RNF4: variants seen among roughly 807,000 people sequenced by gnomAD.
RNF4 encodes the protein E3 ubiquitin-protein ligase RNF4.
RNF4 carries 7 observed loss-of-function variants against 24.3 expected under a neutral mutation model. The ratio of observed to expected loss-of-function variants is 0.29; its 90% CI spans 0.16 to 0.54. The LOEUF (loss-of-function observed/expected upper bound fraction) is 0.54. RNF4 is among the 20% of genes least tolerant of loss of function. The pLI is 0.95. For missense variants in RNF4, 209 were observed against 248.5 expected, an observed-to-expected ratio of 0.84 and a Z score of 1.07; for synonymous variants, 83 against 84.3, an observed-to-expected ratio of 0.98 and a Z score of 0.09.
chr4:2,472,030 TG>T (rs1240208374), intron 1 of RNF4, among the ~76,000 whole-genome samples: 1 of 151,994 alleles, frequency 6.6e-6, no homozygotes, highest in African/African-American at 2.4e-5. Flanking sequence ...CAGCCTTATA[TG>T]GAAAAAAAAA....
chr4:2,476,808 A>G (rs925629172), intron 1 of RNF4, among the ~76,000 whole-genome samples: 25 of 150,296 alleles, frequency 1.7e-4, no homozygotes, highest in African/African-American at 5.4e-4. Flanking sequence ...AGTACAGCCT[A>G]AAACTTTTTT....
chr4:2,505,412 GC>G (rs1736053294), intron 4 of RNF4: 1 of 150,290 alleles, frequency 6.7e-6, no homozygotes, highest in Non-Finnish European at 1.5e-5. Context: ...TGCCAGCTCC[GC>G]CTCCTGGGTT....
At chr4:2,479,777 GCTTT>G (rs1247392015) in intron 1 of RNF4, 3 of 152,280 alleles carry the variant, frequency 2.0e-5, no homozygotes, top group African/African-American at 4.8e-5. Context: ...TGCTTTTAAG[GCTTT>G]CTTTGTTTCC....
At chr4:2,474,474 T>TGGACAGGCAAAGAAAGTGGTTTCTTGA (rs1735007333) in intron 1 of RNF4, among the ~76,000 whole-genome samples, 1 of 152,096 alleles carries the variant, frequency 6.6e-6, no homozygotes, top group Non-Finnish European at 1.5e-5. Context: ...TTGCTTCCTG[T>TGGACAGGCAAAGAAAGTGGTTTCTTGA]GGACAGGCAA....
At chr4:2,484,564 C>T (rs1342966538) in intron 1 of RNF4, among the ~76,000 whole-genome samples, 3 of 151,866 alleles carry the variant, frequency 2.0e-5, no homozygotes, top group African/African-American at 7.3e-5. Context: ...AGCATCTGCA[C>T]ATCGTATACA....
chr4:2,496,530 G>A (rs765693335), intron 2 of RNF4, among the ~76,000 whole-genome samples: 11 of 152,134 alleles, frequency 7.2e-5, no homozygotes, highest in African/African-American at 7.2e-5. Context: ...ACGCGATCTC[G>A]CCTCACTGCA....
intron 4 of RNF4, among the ~76,000 whole-genome samples, chr4:2,503,616 T>A (rs1331267103): frequency 6.6e-6 from 1 of 152,184 alleles, no homozygotes; most frequent in East Asian, 1.9e-4. Context: ...AGTGCCAGTT[T>A]ATGAATTTAC....
chr4:2,480,386 C>CCTTGAA (rs1471446196), intron 1 of RNF4: 1 of 151,420 alleles, frequency 6.6e-6, no homozygotes, highest in Non-Finnish European at 1.5e-5. Context: ...GGTTCTCCTG[C>CCTTGAA]CTCAGCCTCC....
chr4:2,502,671 C>G (rs1416577009), intron 4 of RNF4, among the ~76,000 whole-genome samples: 3 of 121,632 alleles, frequency 2.5e-5, no homozygotes, highest in African/African-American at 9.1e-5. Context: ...GACTCCATCT[C>G]AAAAAAAAAA....
chr4:2,488,776 G>A (rs567071333), intron 1 of RNF4, among the ~76,000 whole-genome samples: 16 of 152,250 alleles, frequency 1.1e-4, no homozygotes, highest in Non-Finnish European at 1.5e-4. Flanking sequence ...AAGGTCACAG[G>A]TTGGGGTTTG....
At chr4:2,503,807 A>G (rs1288519820) in intron 4 of RNF4, among the ~76,000 whole-genome samples, 1 of 152,152 alleles carries the variant, frequency 6.6e-6, no homozygotes, top group African/African-American at 2.4e-5. Flanking sequence ...AAGCGGGGTA[A>G]CCTTCCTTAC....
chr4:2,489,501 T>C (rs758936567), intron 1 of RNF4, among the ~76,000 whole-genome samples: 3 of 152,150 alleles, frequency 2.0e-5, no homozygotes, highest in Non-Finnish European at 4.4e-5. Flanking sequence ...TGGGAACTTG[T>C]TAGATACGTA....
At chr4:2,478,886 A>G (rs1329922109) in intron 1 of RNF4, among the ~76,000 whole-genome samples, 1 of 152,234 alleles carries the variant, frequency 6.6e-6, no homozygotes, top group Non-Finnish European at 1.5e-5. Flanking sequence ...ACACCCCAGA[A>G]TGATAGATCC....
chr4:2,510,852 A>G (rs1736252630), intron 4 of RNF4, among the ~76,000 whole-genome samples: 1 of 152,198 alleles, frequency 6.6e-6, no homozygotes, highest in African/African-American at 2.4e-5. Context: ...AAACTGTTGG[A>G]GCAGAAATTG....
intron 3 of RNF4, 31 bp downstream of exon 3, chr4:2,497,152 G>A: frequency 6.5e-7 from 1 of 1,530,192 alleles, no homozygotes; most frequent in Non-Finnish European, 8.9e-7. Flanking sequence ...ACAACTGTGG[G>A]GTGTTAAAGT....
chr4:2,487,476 G>A (rs1735446908), intron 1 of RNF4, among the ~76,000 whole-genome samples: 1 of 152,168 alleles, frequency 6.6e-6, no homozygotes, highest in Admixed American at 6.5e-5. Context: ...AGTAGAGACG[G>A]GGTTTCGCCA....
intron 2 of RNF4, among the ~76,000 whole-genome samples, chr4:2,495,059 C>T (rs1221166632): frequency 6.6e-6 from 1 of 152,196 alleles, no homozygotes; most frequent in Non-Finnish European, 1.5e-5. Flanking sequence ...CCTTAAAACA[C>T]TGGGCAGTAG....
chr4:2,502,587 G>A (rs770361462), intron 4 of RNF4, among the ~76,000 whole-genome samples: 5 of 151,054 alleles, frequency 3.3e-5, no homozygotes, highest in Admixed American at 6.6e-5. Flanking sequence ...CAGGAGAATC[G>A]CTTGAACCCA....
At chr4:2,470,396 T>C (rs1241542779) in intron 1 of RNF4, among the ~76,000 whole-genome samples, 2 of 152,216 alleles carry the variant, frequency 1.3e-5, no homozygotes, top group Admixed American at 1.3e-4. Flanking sequence ...CAAGGACATA[T>C]TGGGTTCAGT....
Sources: allele counts gnomAD v4.1 joint callset (sites outside exome capture counted in the v4.1 genomes callset), GRCh38; gene constraint gnomAD v4.1.1; transcripts MANE v1.5; gene names NCBI Gene and HGNC (gene_info 2026-07-23, HGNC 2026-07-21).